POU6F2: variants seen among roughly 807,000 people sequenced by gnomAD.
The protein encoded by POU6F2 is POU class 6 homeobox 2, also known as POU domain, class 6, transcription factor 2.
Under a neutral mutation model 71.3 loss-of-function variants are expected in POU6F2, and 31 were observed. That is an observed-to-expected ratio of 0.43 (90% CI 0.33 to 0.59). The LOEUF (loss-of-function observed/expected upper bound fraction) is 0.59, where lower values mean the gene tolerates loss of function less well. POU6F2 is among the 20% of genes least tolerant of loss of function. The pLI is 0.04. For missense variants in POU6F2, 783 were observed against 856.8 expected (o/e 0.91, Z 1.07); for synonymous variants, 347 against 355.7 (o/e 0.98, Z 0.27).
rs1273097238 is a variant in POU6F2, at chr7:39,015,850, TAGATATATATAATATATTATATATA to T, written c.105+37793_105+37817del. Among the ~76,000 whole-genome samples, 96 of 46,630 alleles carry T rather than the reference TAGATATATATAATATATTATATATA, an allele frequency of 2.1e-3. 2 individuals are homozygous for T. The highest frequency in any genetic ancestry group is 5.3e-3 in the African/African-American group (88 of 16,544). 30.6% of individuals were successfully genotyped at this position (46,630 alleles called of 152,430 possible). ...ATATAGATATATAATATATTATATA[TAGATATATATAATATATTATATATA>T]GATATATATTATATATTATATATAG... On this transcript the variant is annotated intron_variant, in intron 1 of 9. Transcript: ENST00000518318.
chr7:39,445,921 C>A (rs1788512463), intron 7 of POU6F2, among the ~76,000 whole-genome samples: 1 of 152,204 alleles, frequency 6.6e-6, no homozygotes, highest in African/African-American at 2.4e-5. Context: ...GGTCCTCCAA[C>A]CCACAGTAGC....
chr7:39,233,157 A>T (rs1037944335), intron 4 of POU6F2, among the ~76,000 whole-genome samples: 22 of 152,328 alleles, frequency 1.4e-4, no homozygotes, highest in Non-Finnish European at 1.3e-4. Context: ...CTCAGCCCAC[A>T]TTCTCAATAT....
intron 2 of POU6F2, among the ~76,000 whole-genome samples, chr7:39,125,489 T>TC (rs1174070020): frequency 6.6e-6 from 1 of 152,148 alleles, no homozygotes; most frequent in African/African-American, 2.4e-5. Context: ...TTTTTGAAAC[T>TC]CCAAGATTGA....
At chr7:38,983,150 C>T (rs1343828182) in intron 1 of POU6F2, among the ~76,000 whole-genome samples, 1 of 152,018 alleles carries the variant, frequency 6.6e-6, no homozygotes, top group African/African-American at 2.4e-5. Context: ...AAAGTGCAAA[C>T]ATGAAAGGAT....
chr7:39,074,484 C>CA (rs554248472), intron 1 of POU6F2, among the ~76,000 whole-genome samples: 6,927 of 145,236 alleles, frequency 0.048, 226 homozygotes, highest in Non-Finnish European at 0.069. Flanking sequence ...GTCCCCCCCT[C>CA]AAAAAAAAAA....
intron 7 of POU6F2, 120 bp downstream of exon 7, chr7:39,433,403 C>T (rs562305577): frequency 7.4e-6 from 8 of 1,075,696 alleles, no homozygotes; most frequent in Non-Finnish European, 1.1e-5. Flanking sequence ...TCTCACTCAT[C>T]TGAACATATC....
At chr7:39,106,518 A>G (rs986372067) in intron 2 of POU6F2, among the ~76,000 whole-genome samples, 2 of 152,160 alleles carry the variant, frequency 1.3e-5, no homozygotes, top group African/African-American at 4.8e-5. Context: ...CATTTTTTCT[A>G]TGCAGACATA....
At chr7:39,020,307 A>C (rs767979218) in intron 1 of POU6F2, among the ~76,000 whole-genome samples, 1 of 152,196 alleles carries the variant, frequency 6.6e-6, no homozygotes, top group Non-Finnish European at 1.5e-5. Context: ...TATCTACTAA[A>C]GATACTCAAA....
intron 2 of POU6F2, among the ~76,000 whole-genome samples, chr7:39,105,248 C>A (rs1409987668): frequency 2.0e-5 from 3 of 152,086 alleles, no homozygotes; most frequent in Admixed American, 2.0e-4. Flanking sequence ...TTATAATAAA[C>A]CATTTCCAAC....
At chr7:39,412,742 T>G (rs73127523) in intron 6 of POU6F2, among the ~76,000 whole-genome samples, 2,492 of 145,598 alleles carry the variant, frequency 0.017, 19 homozygotes, top group Non-Finnish European at 0.027. Flanking sequence ...ACCTAGATAT[T>G]AACAATTTTT....
intron 4 of POU6F2, among the ~76,000 whole-genome samples, chr7:39,251,982 C>T (rs1783928558): frequency 6.6e-6 from 1 of 152,182 alleles, no homozygotes; most frequent in Admixed American, 6.5e-5. Flanking sequence ...TGGTTCACAT[C>T]AGTGCCTGTT....
intron 4 of POU6F2, among the ~76,000 whole-genome samples, chr7:39,259,731 T>G (rs113718989): frequency 0.052 from 7,926 of 152,140 alleles, 386 homozygotes; most frequent in African/African-American, 0.12. Context: ...AGATTCTCTC[T>G]CTGCTGGCCT....
At chr7:39,293,557 G>A (rs966048042) in intron 4 of POU6F2, among the ~76,000 whole-genome samples, 3 of 151,888 alleles carry the variant, frequency 2.0e-5, no homozygotes, top group East Asian at 1.9e-4. Flanking sequence ...AACCATTATC[G>A]CTTCAGACCA....
chr7:39,433,761 C>T (rs17171578), intron 7 of POU6F2, among the ~76,000 whole-genome samples: 4,891 of 152,148 alleles, frequency 0.032, 219 homozygotes, highest in African/African-American at 0.098. Context: ...CATGATGATC[C>T]GGTTAATTTT....
intron 2 of POU6F2, among the ~76,000 whole-genome samples, chr7:39,186,698 G>C (rs34661097): frequency 0.031 from 4,668 of 152,208 alleles, 106 homozygotes; most frequent in Middle Eastern, 0.058. Flanking sequence ...TCTGTCCTGA[G>C]CTCTATGTCC....
At chr7:39,365,614 A>C (rs1426272570) in intron 5 of POU6F2, among the ~76,000 whole-genome samples, 2 of 152,296 alleles carry the variant, frequency 1.3e-5, no homozygotes, top group East Asian at 3.9e-4. Context: ...GAGTGGGAGA[A>C]AAATCTTCAC....
intron 4 of POU6F2, among the ~76,000 whole-genome samples, chr7:39,330,643 C>T (rs1384646622): frequency 2.6e-5 from 4 of 152,204 alleles, no homozygotes; most frequent in Admixed American, 6.5e-5. Context: ...GTGCATCATC[C>T]TTTCATACTC....
intron 6 of POU6F2, among the ~76,000 whole-genome samples, chr7:39,430,869 A>G (rs1310320775): frequency 6.6e-6 from 1 of 152,164 alleles, no homozygotes; most frequent in African/African-American, 2.4e-5. Context: ...GACACTGGGG[A>G]AGGCCAGAGT....
intron 5 of POU6F2, among the ~76,000 whole-genome samples, chr7:39,362,423 A>C (rs1786408748): frequency 6.6e-6 from 1 of 152,192 alleles, no homozygotes; most frequent in East Asian, 1.9e-4. Context: ...CAGTACAAGC[A>C]AGGTCAGAAG....
Sources: allele counts gnomAD v4.1 joint callset (sites outside exome capture counted in the v4.1 genomes callset), GRCh38; gene constraint gnomAD v4.1.1; transcripts MANE v1.5; gene names NCBI Gene and HGNC (gene_info 2026-07-23, HGNC 2026-07-21).